Variants in PMS1 observed in about 807,000 individuals in gnomAD.
PMS1 encodes the protein PMS1 homolog 1, mismatch repair system component.
PMS1 carries 79 observed loss-of-function variants against 93.1 expected under a neutral mutation model. The observed-to-expected ratio is 0.85, with a 90% CI of 0.71 to 1.02. The LOEUF (loss-of-function observed/expected upper bound fraction) is 1.02. PMS1 is among the 50% of genes least tolerant of loss of function. The probability of loss-of-function intolerance (pLI) is 0.00; values close to 1 mark genes in which losing one functional copy is unlikely to be tolerated. For synonymous variants in PMS1, 335 were observed against 363.4 expected, an observed-to-expected ratio of 0.92 and a Z score of 0.89; for missense variants, 1,064 against 1,085.3, an observed-to-expected ratio of 0.98 and a Z score of 0.28.
intron 5 of PMS1, among the ~76,000 whole-genome samples, chr2:189,838,177 T>C (rs531032807): frequency 1.3e-5 from 2 of 152,260 alleles, no homozygotes; most frequent in East Asian, 1.9e-4. Context: ...TAAACTGTTA[T>C]GTTAAGAGGA....
chr2:189,817,096 A>C (rs529864167), intron 4 of PMS1, among the ~76,000 whole-genome samples: 1 of 152,228 alleles, frequency 6.6e-6, no homozygotes, highest in Non-Finnish European at 1.5e-5. Flanking sequence ...GGAGGATGCT[A>C]CTGGCATCTA....
intron 4 of PMS1, among the ~76,000 whole-genome samples, chr2:189,810,772 A>T (rs148950628): frequency 7.2e-5 from 11 of 152,322 alleles, no homozygotes; most frequent in African/African-American, 2.6e-4. Context: ...AGTTAGATTG[A>T]AGAGATATAT....
intron 3 of PMS1, among the ~76,000 whole-genome samples, chr2:189,801,217 T>C (rs564552405): frequency 6.6e-6 from 1 of 152,332 alleles, no homozygotes; most frequent in Admixed American, 6.5e-5. Context: ...ATTATTGCTT[T>C]CATGATCTGT....
chr2:189,795,964 T>C lies in PMS1; in HGVS notation c.315+13T>C, dbSNP rs1385789810. ...TTGTATAGCTGAGGTAAGGTAATTA[T>C]ATTGGTTATTTTAGTGATTTCATAT... On this transcript the variant is annotated intron_variant, in intron 3 of 12. Transcript: ENST00000441310. The C allele has an allele frequency of 6.4e-7, 1 of 1,554,184 alleles. No homozygotes were observed. The highest frequency in any genetic ancestry group is 8.9e-7 in the Non-Finnish European group (1 of 1,125,222).
intron 3 of PMS1, among the ~76,000 whole-genome samples, chr2:189,803,492 C>G (rs1056298929): frequency 2.6e-5 from 4 of 152,180 alleles, no homozygotes; most frequent in African/African-American, 9.7e-5. Flanking sequence ...CTTGACACCA[C>G]TAGGTTCACT....
chr2:189,784,678 G>C (rs1407272019), intron 1 of PMS1, 85 bp downstream of exon 1: 1 of 152,390 alleles, frequency 6.6e-6, no homozygotes, highest in African/African-American at 2.4e-5. Context: ...GTCCGGGCGC[G>C]AACGCTATAG....
intron 9 of PMS1, among the ~76,000 whole-genome samples, chr2:189,858,592 A>G (rs1244366767): frequency 6.6e-6 from 1 of 152,110 alleles, no homozygotes; most frequent in Non-Finnish European, 1.5e-5. Context: ...GCACATTATA[A>G]TTAATTACAA....
intron 4 of PMS1, among the ~76,000 whole-genome samples, chr2:189,807,500 G>C (rs2050451637): frequency 6.6e-6 from 1 of 152,210 alleles, no homozygotes; most frequent in Non-Finnish European, 1.5e-5. Flanking sequence ...ATCCAGTAGA[G>C]TACTTTGAAG....
rs777644154 is a variant in PMS1, at chr2:189,854,898, T to C, written c.1626T>C (p.Asn542=). The C allele has an allele frequency of 5.6e-6, 9 of 1,603,942 alleles. No homozygotes were observed. In the South Asian group the frequency reaches 1.0e-4, roughly 18 times the overall value. The part of the protein sequence containing the change: ...NYPIPEQMNL[N]EDSCNKKSNV... ...CAATCCCTGAACAAATGAATCTTAA[T>C]GAAGATTCATGTAACAAAAAATCAA... Residue 542 remains asparagine (N), a synonymous_variant, in exon 9 of 13, where the codon AAT becomes AAC. Transcript: ENST00000441310.
intron 11 of PMS1, among the ~76,000 whole-genome samples, chr2:189,870,184 G>T (rs1018077975): frequency 6.6e-6 from 1 of 151,892 alleles, no homozygotes; most frequent in Non-Finnish European, 1.5e-5. Context: ...TAATTAGGTT[G>T]TATTTTCTTA....
intron 10 of PMS1, among the ~76,000 whole-genome samples, chr2:189,864,921 CATAAT>C (rs1273561192): frequency 1.3e-5 from 2 of 150,848 alleles, no homozygotes; most frequent in Non-Finnish European, 3.0e-5. Context: ...TTTTCAAACA[CATAAT>C]AAAATAGAAG....
At chr2:189,852,353 T>C (rs1159982880) in intron 6 of PMS1, among the ~76,000 whole-genome samples, 3 of 152,206 alleles carry the variant, frequency 2.0e-5, no homozygotes, top group African/African-American at 7.2e-5. Context: ...TGAGTATAGA[T>C]TGAATGCTCT....
intron 5 of PMS1, 120 bp downstream of exon 5, chr2:189,818,300 T>C (rs2051504687): frequency 7.1e-6 from 5 of 702,346 alleles, no homozygotes; most frequent in Admixed American, 2.5e-5. Flanking sequence ...CAAAATTTAT[T>C]TGTTGAAAAC....
intron 4 of PMS1, among the ~76,000 whole-genome samples, chr2:189,807,579 T>C (rs1422719637): frequency 6.6e-6 from 1 of 152,248 alleles, no homozygotes; most frequent in East Asian, 1.9e-4. Context: ...CTAATCTGGA[T>C]GGCCAATGGC....
intron 3 of PMS1, among the ~76,000 whole-genome samples, chr2:189,799,700 C>T (rs1221909814): frequency 2.6e-5 from 4 of 152,196 alleles, no homozygotes; most frequent in Non-Finnish European, 5.9e-5. Flanking sequence ...CAGTCAGCCC[C>T]CAGCTGCCAA....
chr2:189,871,341 C>T (rs1393103116), intron 11 of PMS1, among the ~76,000 whole-genome samples: 2 of 152,042 alleles, frequency 1.3e-5, no homozygotes, highest in East Asian at 3.9e-4. Context: ...GAAAAAATCT[C>T]ATGATGTTTA....
At chr2:189,850,037 CA>C (rs987364061) in intron 6 of PMS1, among the ~76,000 whole-genome samples, 3 of 152,022 alleles carry the variant, frequency 2.0e-5, no homozygotes, top group African/African-American at 7.2e-5. Context: ...CCACATAGGA[CA>C]TTTGACCTTA....
chr2:189,802,336 TTATAA>T (rs2049964193), intron 3 of PMS1, among the ~76,000 whole-genome samples: 1 of 152,248 alleles, frequency 6.6e-6, no homozygotes, highest in South Asian at 2.1e-4. Flanking sequence ...TACTGTATTC[TTATAA>T]TAAACTAGTG....
At position 189,791,930 on chromosome 2, in the gene PMS1, G is replaced by C. The variant is rs757048301; in HGVS notation, c.121G>C (p.Asp41His). 3 of 1,613,994 alleles carry C rather than the reference G, an allele frequency of 1.9e-6. No homozygotes were observed. The highest frequency in any genetic ancestry group is 2.2e-5 in the South Asian group (2 of 91,078). Residue 41 changes from aspartate (D) to histidine (H), a missense_variant, in exon 2 of 13, where the codon GAT becomes CAT. Asp to His is a moderately conservative substitution (Grantham distance 81). Coordinates refer to ENST00000441310, the MANE Select transcript of PMS1 (RefSeq NM_000534.5). ...NSLDAGATSV[D>H]VKLENYGFDK... ...CTTGGATGCTGGTGCCACAAGCGTA[G>C]ATGTTAAACTGGTGAGTGTCCTTGA...
Sources: allele counts gnomAD v4.1 joint callset (sites outside exome capture counted in the v4.1 genomes callset), GRCh38; gene constraint gnomAD v4.1.1; transcripts MANE v1.5; gene names NCBI Gene and HGNC (gene_info 2026-07-23, HGNC 2026-07-21).